GRID2: variants seen among roughly 807,000 people sequenced by gnomAD.
GRID2 encodes the protein glutamate receptor ionotropic, delta-2.
GRID2 carries 33 observed loss-of-function variants against 114.8 expected under a neutral mutation model. The observed-to-expected ratio is 0.29, with a 90% CI of 0.22 to 0.38. The LOEUF is 0.38. Ranked by LOEUF, GRID2 falls within the 10% of genes least tolerant of loss-of-function variation. The pLI is 1.00. For missense variants in GRID2, 1,184 were observed against 1,257.7 expected, an observed-to-expected ratio of 0.94 and a Z score of 0.89; for synonymous variants, 505 against 449.9, an observed-to-expected ratio of 1.12 and a Z score of -1.55.
At chr4:92,747,386 A>G (rs561688776) in intron 2 of GRID2, among the ~76,000 whole-genome samples, 2 of 152,216 alleles carry the variant, frequency 1.3e-5, no homozygotes, top group East Asian at 3.9e-4. Flanking sequence ...AAATTCCCCT[A>G]AAAGCTAAAA....
rs570349398 is a variant in GRID2, at chr4:92,839,038, G to A, written c.245-245957G>A. ...TAACACAATGGATTATCTGGCCAGCGTCCTGCTTATGAATTGGTGTGTCTG... is the reference window on the plus strand; with the variant it reads ...TAACACAATGGATTATCTGGCCAGCATCCTGCTTATGAATTGGTGTGTCTG... On this transcript the variant is annotated intron_variant, in intron 2 of 15. Coordinates refer to ENST00000282020, the MANE Select transcript of GRID2 (RefSeq NM_001510.4). 5.9e-5 allele frequency among the ~76,000 whole-genome samples: 9 copies of A among 152,134 alleles called. No homozygotes were observed. The South Asian group carries it at 1.0e-3, about 18-fold the overall frequency.
intron 14 of GRID2, among the ~76,000 whole-genome samples, chr4:93,739,884 T>C (rs1177348846): frequency 6.6e-6 from 1 of 152,178 alleles, no homozygotes; most frequent in East Asian, 1.9e-4. Context: ...TCATATCTAC[T>C]GTTTTATTTA....
chr4:92,378,646 A>G (rs1729468718), intron 1 of GRID2, among the ~76,000 whole-genome samples: 1 of 152,106 alleles, frequency 6.6e-6, no homozygotes, highest in African/African-American at 2.4e-5. Context: ...CATGGTGTAC[A>G]CAAAGAATCT....
intron 2 of GRID2, among the ~76,000 whole-genome samples, chr4:92,631,768 G>A (rs1410909978): frequency 6.6e-6 from 1 of 152,064 alleles, no homozygotes; most frequent in Admixed American, 6.6e-5. Context: ...TTAGGATATT[G>A]TCAAATCTTG....
chr4:92,376,343 T>G (rs536740409), intron 1 of GRID2, among the ~76,000 whole-genome samples: 146 of 152,054 alleles, frequency 9.6e-4, no homozygotes, highest in Non-Finnish European at 1.7e-3. Flanking sequence ...GAAAATGACC[T>G]CCTTCATATC....
chr4:93,374,881 C>A (rs1763231351), intron 8 of GRID2, among the ~76,000 whole-genome samples: 2 of 152,148 alleles, frequency 1.3e-5, no homozygotes, highest in African/African-American at 2.4e-5. Context: ...TAGTTTCTTT[C>A]TAATCAGTTG....
At chr4:92,328,368 G>A (rs2110138729) in intron 1 of GRID2, among the ~76,000 whole-genome samples, 1 of 152,160 alleles carries the variant, frequency 6.6e-6, no homozygotes, top group Non-Finnish European at 1.5e-5. Context: ...ACACTTTGAA[G>A]TTCAGCCAGA....
intron 1 of GRID2, among the ~76,000 whole-genome samples, chr4:92,332,974 A>G (rs1461370952): frequency 6.6e-6 from 1 of 152,160 alleles, no homozygotes; most frequent in African/African-American, 2.4e-5. Flanking sequence ...CTGCAAGTCT[A>G]CTTGGCTGGA....
intron 1 of GRID2, among the ~76,000 whole-genome samples, chr4:92,456,852 A>T (rs1721241178): frequency 6.6e-6 from 1 of 152,102 alleles, no homozygotes; most frequent in Non-Finnish European, 1.5e-5. Context: ...TGCTTCCTGT[A>T]TCCCTTTCTT....
chr4:93,308,379 A>T (rs1755662750), intron 8 of GRID2, among the ~76,000 whole-genome samples: 2 of 152,152 alleles, frequency 1.3e-5, no homozygotes, highest in Non-Finnish European at 2.9e-5. Context: ...CATAGTTCAC[A>T]TTCATTTCCG....
At chr4:93,164,331 C>T (rs939792531) in intron 4 of GRID2, among the ~76,000 whole-genome samples, 7 of 151,932 alleles carry the variant, frequency 4.6e-5, no homozygotes, top group Admixed American at 2.6e-4. Flanking sequence ...GCAGATGTAA[C>T]GGGCTAAAGT....
At chr4:93,061,670 G>A (rs1418808162) in intron 2 of GRID2, among the ~76,000 whole-genome samples, 1 of 152,118 alleles carries the variant, frequency 6.6e-6, no homozygotes, top group African/African-American at 2.4e-5. Context: ...AAAGGCACAA[G>A]TGAAAACTAA....
At chr4:93,094,179 A>G (rs375003236) in intron 3 of GRID2, among the ~76,000 whole-genome samples, 1 of 152,018 alleles carries the variant, frequency 6.6e-6, no homozygotes, top group South Asian at 2.1e-4. Context: ...TTTGCTTTCT[A>G]TTAAGGTTCT....
At chr4:92,700,003 A>T (rs2149300386) in intron 2 of GRID2, among the ~76,000 whole-genome samples, 1 of 152,348 alleles carries the variant, frequency 6.6e-6, no homozygotes, top group Middle Eastern at 3.4e-3. Context: ...AAGATAAAGC[A>T]AAATTACTTA....
chr4:93,780,398 TAGG>T (rs1191550390), intron 1 of GRID2, among the ~76,000 whole-genome samples: 2 of 152,190 alleles, frequency 1.3e-5, no homozygotes, highest in African/African-American at 4.8e-5. Flanking sequence ...GAATGAGTGA[TAGG>T]AGAAGGGCGC....
At chr4:93,312,486 C>T (rs1355443410) in intron 8 of GRID2, among the ~76,000 whole-genome samples, 1 of 151,964 alleles carries the variant, frequency 6.6e-6, no homozygotes, top group Non-Finnish European at 1.5e-5. Context: ...CAGGTACAAG[C>T]CTGAAACAAA....
chr4:93,067,400 A>G (rs912608368), intron 2 of GRID2, among the ~76,000 whole-genome samples: 2 of 152,004 alleles, frequency 1.3e-5, no homozygotes, highest in Admixed American at 1.3e-4. Flanking sequence ...GTGCCAGCAG[A>G]TTTGGTGTCT....
chr4:93,517,313 C>T (rs142810866), intron 13 of GRID2, among the ~76,000 whole-genome samples: 1 of 151,970 alleles, frequency 6.6e-6, no homozygotes, highest in Non-Finnish European at 1.5e-5. Context: ...AAAGAAGAAA[C>T]AATAAAAGAG....
chr4:93,292,744 A>C (rs2149149657), intron 8 of GRID2, among the ~76,000 whole-genome samples: 1 of 152,320 alleles, frequency 6.6e-6, no homozygotes, highest in East Asian at 1.9e-4. Context: ...CCACATTGTT[A>C]AGAAAGAGAC....
Sources: gnomAD v4.1 joint callset for allele counts (sites outside exome capture counted in the v4.1 genomes callset) on GRCh38, gnomAD v4.1.1 for gene constraint, MANE v1.5 for transcripts, NCBI Gene and HGNC (gene_info 2026-07-23, HGNC 2026-07-21) for gene names.